HPSE2: variants seen among roughly 807,000 people sequenced by gnomAD.
HPSE2 encodes heparanase 2 (inactive), also known as inactive heparanase-2.
HPSE2 carries 38 observed loss-of-function variants against 60.5 expected under a neutral mutation model. The ratio of observed to expected loss-of-function variants is 0.63; its 90% CI spans 0.48 to 0.82. The LOEUF is 0.82. HPSE2 is among the 40% of genes least tolerant of loss of function. The pLI, the probability that HPSE2 is intolerant of heterozygous loss-of-function variation, is 0.00. For missense variants in HPSE2, 713 were observed against 740.4 expected, an observed-to-expected ratio of 0.96 and a Z score of 0.43; for synonymous variants, 295 against 293.2, an observed-to-expected ratio of 1.01 and a Z score of -0.06.
rs542975846 is a variant in HPSE2, at chr10:98,757,530, C to T, written c.611-13474G>A. Among the ~76,000 whole-genome samples the T allele has an allele frequency of 4.6e-5, 7 of 152,150 alleles. No homozygotes were observed. The East Asian group carries it at 1.4e-3, about 29-fold the overall frequency. On this transcript the variant is annotated intron_variant, in intron 3 of 11. Coordinates refer to ENST00000370552, the MANE Select transcript of HPSE2 (RefSeq NM_021828.5). ...TACAAAAATCAGTAGGATTTCTATA[C>T]ACCAACATTGTCCAAGCTGAGAGCC... is the stretch of plus-strand genomic sequence containing the variant.
chr10:99,306,623 G>A, the HPSE2 span, among the ~76,000 whole-genome samples: 15,033 of 152,150 alleles, frequency 0.099, 805 homozygotes, highest in South Asian at 0.19. Context: ...CCTCCACAGG[G>A]CAACCATAAG....
At chr10:99,249,527 C>A in the HPSE2 span, among the ~76,000 whole-genome samples, 1 of 152,150 alleles carries the variant, frequency 6.6e-6, no homozygotes, top group South Asian at 2.1e-4. Flanking sequence ...ATTTTACAGG[C>A]TCATAGGCAG....
the HPSE2 span, among the ~76,000 whole-genome samples, chr10:99,248,469 C>T: frequency 6.6e-6 from 1 of 152,136 alleles, no homozygotes; most frequent in Non-Finnish European, 1.5e-5. Context: ...CAAGATGTAG[C>T]CTGGCTGTTT....
At chr10:98,856,054 C>T (rs1952306731) in intron 3 of HPSE2, among the ~76,000 whole-genome samples, 1 of 152,128 alleles carries the variant, frequency 6.6e-6, no homozygotes, top group African/African-American at 2.4e-5. Flanking sequence ...AATGCAAACT[C>T]CTGAGGTTGA....
intron 6 of HPSE2, among the ~76,000 whole-genome samples, chr10:98,671,286 C>CA (rs1388655956): frequency 6.6e-6 from 1 of 152,138 alleles, no homozygotes; most frequent in African/African-American, 2.4e-5. Context: ...AAAATGGGGT[C>CA]ACCTCATCTT....
intron 3 of HPSE2, among the ~76,000 whole-genome samples, chr10:98,852,147 GTGTGTGTGTGTGTGTGTGTA>G (rs1198816284): frequency 2.9e-5 from 4 of 139,198 alleles, no homozygotes; most frequent in East Asian, 2.2e-4. Context: ...GTGTGTGTGT[GTGTGTGTGTGTGTGTGTGTA>G]TATATGTTTG....
intron 6 of HPSE2, among the ~76,000 whole-genome samples, chr10:98,653,004 T>C (rs545666410): frequency 3.3e-5 from 5 of 152,334 alleles, no homozygotes. Context: ...TAATAACTAA[T>C]TGGATTCTAC....
At chr10:99,091,667 C>T (rs1044172411) in intron 3 of HPSE2, among the ~76,000 whole-genome samples, 1 of 152,130 alleles carries the variant, frequency 6.6e-6, no homozygotes, top group Non-Finnish European at 1.5e-5. Flanking sequence ...TATTGTGGTA[C>T]TTTTTGATAG....
At chr10:98,745,311 A>G (rs1949603125) in intron 3 of HPSE2, among the ~76,000 whole-genome samples, 1 of 152,170 alleles carries the variant, frequency 6.6e-6, no homozygotes, top group South Asian at 2.1e-4. Context: ...CTTCATTTCT[A>G]TTGCCACCAT....
intron 3 of HPSE2, among the ~76,000 whole-genome samples, chr10:98,775,244 G>C (rs1010499439): frequency 8.5e-5 from 13 of 152,206 alleles, no homozygotes; most frequent in African/African-American, 3.1e-4. Context: ...CACATGCACA[G>C]CTGATATATG....
intron 3 of HPSE2, among the ~76,000 whole-genome samples, chr10:99,052,294 T>C (rs1958008656): frequency 6.9e-6 from 1 of 145,644 alleles, no homozygotes; most frequent in African/African-American, 2.5e-5. Flanking sequence ...AAAAAGTAAA[T>C]AGATGAGATT....
intron 3 of HPSE2, among the ~76,000 whole-genome samples, chr10:99,141,534 T>A (rs1303996353): frequency 2.0e-5 from 3 of 152,256 alleles, no homozygotes; most frequent in Admixed American, 1.3e-4. Flanking sequence ...TAATAAGGAA[T>A]ACTTCAACGA....
intron 9 of HPSE2, among the ~76,000 whole-genome samples, chr10:98,499,936 A>G (rs186102942): frequency 1.9e-3 from 297 of 152,368 alleles, no homozygotes; most frequent in African/African-American, 6.6e-3. Flanking sequence ...GGGACATTAT[A>G]TAATGGTAAA....
chr10:98,631,707 A>G (rs530399083), intron 7 of HPSE2, among the ~76,000 whole-genome samples: 12 of 152,288 alleles, frequency 7.9e-5, no homozygotes, highest in Admixed American at 7.8e-4. Flanking sequence ...TCACATTGTC[A>G]TTGCCTTGCA....
chr10:99,118,495 C>G (rs1387544743), intron 3 of HPSE2, among the ~76,000 whole-genome samples: 1 of 148,012 alleles, frequency 6.8e-6, no homozygotes, highest in African/African-American at 2.5e-5. Flanking sequence ...TGCACTCCAG[C>G]CTGAGCAACA....
At chr10:98,706,730 C>T (rs1948557148) in intron 5 of HPSE2, among the ~76,000 whole-genome samples, 1 of 152,106 alleles carries the variant, frequency 6.6e-6, no homozygotes, top group African/African-American at 2.4e-5. Flanking sequence ...ATGAGCTGTT[C>T]ACAGAAGTCC....
the HPSE2 span, among the ~76,000 whole-genome samples, chr10:99,256,700 A>AT: frequency 1.3e-5 from 2 of 152,222 alleles, no homozygotes; most frequent in African/African-American, 4.8e-5. Flanking sequence ...GAATGTCTTT[A>AT]TAGAAAATCT....
intron 4 of HPSE2, among the ~76,000 whole-genome samples, chr10:98,739,342 C>T (rs899450485): frequency 6.6e-6 from 1 of 150,756 alleles, no homozygotes; most frequent in Admixed American, 6.6e-5. Flanking sequence ...GGTAGGGGAG[C>T]GATATCATTA....
At chr10:99,242,814 T>G in the HPSE2 span, among the ~76,000 whole-genome samples, 1 of 152,150 alleles carries the variant, frequency 6.6e-6, no homozygotes, top group Non-Finnish European at 1.5e-5. Context: ...TAAGATTACT[T>G]CCCTCCAAAT....
Sources: allele counts gnomAD v4.1 joint callset (sites outside exome capture counted in the v4.1 genomes callset), GRCh38; gene constraint gnomAD v4.1.1; transcripts MANE v1.5; gene names NCBI Gene and HGNC (gene_info 2026-07-23, HGNC 2026-07-21).